GGACT: variants seen among roughly 807,000 people sequenced by gnomAD.
The protein encoded by GGACT is gamma-glutamylamine cyclotransferase, also known as gamma-glutamylaminecyclotransferase.
For synonymous variants in GGACT, 118 were observed against 115.3 expected (o/e 1.02, Z -0.15); for missense variants, 241 against 233.2 (o/e 1.03, Z -0.22).
chr13:100,571,864 A>G (rs913481281), intron 2 of GGACT, among the ~76,000 whole-genome samples: 1 of 152,248 alleles, frequency 6.6e-6, no homozygotes, highest in African/African-American at 2.4e-5. Context: ...TCACAGAACT[A>G]CAAGGACTAA....
chr13:100,554,117 A>T (rs34754087), intron 2 of GGACT, among the ~76,000 whole-genome samples: 3,017 of 152,296 alleles, frequency 0.02, 82 homozygotes, highest in East Asian at 0.13. Flanking sequence ...GGTGATGGAG[A>T]TCAAAGGCTT....
Position 100,545,201 on chromosome 13 carries a change from G to A in GGACT, c.-10-12600C>T, listed in dbSNP as rs2088594046. On this transcript the variant is annotated intron_variant, in intron 2 of 2. Transcript: ENST00000683975. The surrounding 1 kb of genome is among the most constrained non-coding windows in gnomAD (Gnocchi z 4.4). ...GGGGATCAACGCCACCCCCAAGGGA[G>A]AGCCCTGACTCCATGCCCACCCCAT... Among the ~76,000 whole-genome samples, 1 of 152,256 alleles carries A rather than the reference G, an allele frequency of 6.6e-6. No individual in the cohort carries two copies. The highest frequency in any genetic ancestry group is 2.1e-4 in the South Asian group (1 of 4,834).
chr13:100,582,849 C>T (rs1875458731), intron 2 of GGACT, among the ~76,000 whole-genome samples: 1 of 152,188 alleles, frequency 6.6e-6, no homozygotes, highest in African/African-American at 2.4e-5. Context: ...AACCATGATG[C>T]TAATATTTGT....
intron 2 of GGACT, chr13:100,540,015 T>C (rs148786674): frequency 6.0e-5 from 80 of 1,343,686 alleles, no homozygotes; most frequent in Middle Eastern, 5.0e-4. Flanking sequence ...TGCTGTGAAT[T>C]GCACAACTCA....
chr13:100,568,255 C>T (rs1874968099), intron 2 of GGACT, among the ~76,000 whole-genome samples: 2 of 152,234 alleles, frequency 1.3e-5, no homozygotes, highest in Non-Finnish European at 2.9e-5. Flanking sequence ...TTAGTCTGTT[C>T]TCATGCTGCT....
At chr13:100,547,478 T>G (rs1363561318) in intron 2 of GGACT, among the ~76,000 whole-genome samples, 1 of 152,222 alleles carries the variant, frequency 6.6e-6, no homozygotes, top group Non-Finnish European at 1.5e-5. Flanking sequence ...AAAGGTAATC[T>G]AAAAACAAGA....
At chr13:100,570,326 A>G (rs1415228550) in intron 2 of GGACT, among the ~76,000 whole-genome samples, 2 of 152,200 alleles carry the variant, frequency 1.3e-5, no homozygotes, top group African/African-American at 4.8e-5. Context: ...ATAGCTGAGG[A>G]GGCCTCAGGA....
At chr13:100,557,230 A>G (rs1218479181) in intron 2 of GGACT, among the ~76,000 whole-genome samples, 2 of 152,214 alleles carry the variant, frequency 1.3e-5, no homozygotes, top group East Asian at 1.9e-4. Flanking sequence ...AAGTTACAAT[A>G]AACAAGACAG....
At chr13:100,585,653 A>G (rs1456755198) in intron 1 of GGACT, among the ~76,000 whole-genome samples, 1 of 151,940 alleles carries the variant, frequency 6.6e-6, no homozygotes, top group Non-Finnish European at 1.5e-5. Flanking sequence ...CTGTAGTCCC[A>G]GCTACTTGGG....
intron 2 of GGACT, among the ~76,000 whole-genome samples, chr13:100,581,241 TA>T (rs1164536134): frequency 1.3e-5 from 2 of 152,200 alleles, no homozygotes; most frequent in African/African-American, 2.4e-5. Context: ...TTGTGGTTTC[TA>T]ACACCATCTC....
Position 100,531,955 on chromosome 13 carries a change from CT to C in GGACT, c.*174del. Reference sequence around the variant, plus strand: ...AGGTAGAAAGATGGGAGGGAAGCACCTTGCTATTCGTATCTCAACATTATTT... The same window carrying C: ...AGGTAGAAAGATGGGAGGGAAGCACCTGCTATTCGTATCTCAACATTATTT... On this transcript the variant is annotated 3_prime_UTR_variant, in exon 3 of 3. Coordinates refer to ENST00000683975, the MANE Select transcript of GGACT (RefSeq NM_001195087.2). The C allele has an allele frequency of 2.2e-6, 1 of 445,666 alleles. No homozygotes were observed. The highest frequency in any genetic ancestry group is 3.9e-6 in the Non-Finnish European group (1 of 259,460). 27.6% of individuals were successfully genotyped at this position (445,666 alleles called of 1,614,324 possible).
At chr13:100,569,527 G>A (rs1055981700) in intron 2 of GGACT, among the ~76,000 whole-genome samples, 1 of 152,208 alleles carries the variant, frequency 6.6e-6, no homozygotes, top group Admixed American at 6.5e-5. Context: ...AGCGCATGTG[G>A]GCCCTGGGCC....
At chr13:100,547,722 C>G (rs1168732438) in intron 2 of GGACT, among the ~76,000 whole-genome samples, 1 of 152,212 alleles carries the variant, frequency 6.6e-6, no homozygotes, top group Non-Finnish European at 1.5e-5. Context: ...TTCAATAAAA[C>G]AGGACAAGAA....
intron 2 of GGACT, among the ~76,000 whole-genome samples, chr13:100,550,406 C>T (rs189882611): frequency 2.5e-5 from 3 of 122,226 alleles, no homozygotes; most frequent in East Asian, 4.5e-4. Flanking sequence ...AAATCCGAGC[C>T]GATTATACTC....
At chr13:100,554,826 G>A (rs781108357) in intron 2 of GGACT, among the ~76,000 whole-genome samples, 22 of 152,014 alleles carry the variant, frequency 1.4e-4, no homozygotes, top group Non-Finnish European at 2.8e-4. Flanking sequence ...ATAGGTAAAC[G>A]AGAGAGAGAG....
At chr13:100,571,163 C>A (rs1017941200) in intron 2 of GGACT, among the ~76,000 whole-genome samples, 8 of 152,136 alleles carry the variant, frequency 5.3e-5, no homozygotes, top group African/African-American at 1.9e-4. Flanking sequence ...ATAACAGTGT[C>A]GAGGAGGATA....
chr13:100,560,739 C>T (rs1261321697), intron 2 of GGACT, among the ~76,000 whole-genome samples: 1 of 152,234 alleles, frequency 6.6e-6, no homozygotes, highest in East Asian at 1.9e-4. Context: ...ATTTCCATTC[C>T]CTCACATAAT....
At chr13:100,533,047 G>A (rs1281280378) in intron 2 of GGACT, among the ~76,000 whole-genome samples, 1 of 152,156 alleles carries the variant, frequency 6.6e-6, no homozygotes, top group African/African-American at 2.4e-5. Flanking sequence ...AGCCCTGCAG[G>A]GGCAGCCCTG....
intron 2 of GGACT, among the ~76,000 whole-genome samples, chr13:100,566,886 A>C (rs1203840975): frequency 6.6e-6 from 1 of 152,220 alleles, no homozygotes; most frequent in Admixed American, 6.5e-5. Context: ...CCAGTGCACA[A>C]TCCCAATTGC....
Sources: allele counts gnomAD v4.1 joint callset (sites outside exome capture counted in the v4.1 genomes callset), GRCh38; gene constraint gnomAD v4.1.1; non-coding constraint Gnocchi (gnomAD v3.1); transcripts MANE v1.5; gene names NCBI Gene and HGNC (gene_info 2026-07-23, HGNC 2026-07-21).